The following HYCC2 variants were observed in gnomAD, a reference collection of about 807,000 sequenced individuals.
HYCC2 encodes the protein hyccin PI4KA lipid kinase complex subunit 2.
At chr2:201,068,784 C>A in the HYCC2 span, among the ~76,000 whole-genome samples, 1 of 152,234 alleles carries the variant, frequency 6.6e-6, no homozygotes, top group African/African-American at 2.4e-5. Context: ...ATGTAAGCTA[C>A]TTTCAGAGCT....
the HYCC2 span, among the ~76,000 whole-genome samples, chr2:201,042,698 TG>T: frequency 6.8e-6 from 1 of 147,852 alleles, no homozygotes; most frequent in Non-Finnish European, 1.5e-5. Flanking sequence ...GTCCGGGAGC[TG>T]GGGGGCAGCC....
At chr2:201,052,931 C>G in the HYCC2 span, among the ~76,000 whole-genome samples, 3 of 152,082 alleles carry the variant, frequency 2.0e-5, no homozygotes, top group Admixed American at 2.0e-4. Flanking sequence ...AGGAAACTAC[C>G]AGAAGCCAGG....
the HYCC2 span, among the ~76,000 whole-genome samples, chr2:201,010,115 AAAAAG>A: frequency 7.9e-5 from 12 of 151,874 alleles, no homozygotes; most frequent in East Asian, 2.3e-3. Context: ...AAAAAAAAAA[AAAAAG>A]AAAAGAAGAA....
chr2:201,036,168 A>T, the HYCC2 span, among the ~76,000 whole-genome samples: 1 of 152,218 alleles, frequency 6.6e-6, no homozygotes, highest in African/African-American at 2.4e-5. Context: ...TCCTGGACAC[A>T]TATACCCTCC....
the HYCC2 span, among the ~76,000 whole-genome samples, chr2:201,051,847 C>T: frequency 1.3e-5 from 2 of 151,938 alleles, no homozygotes; most frequent in African/African-American, 2.4e-5. Context: ...AAAAACCAGC[C>T]CAAAACTGAG....
At chr2:200,978,536 T>G in the HYCC2 span, 1 of 145,566 alleles carries the variant, frequency 6.9e-6, no homozygotes, top group Non-Finnish European at 1.5e-5. Flanking sequence ...AGTACAGTAG[T>G]GCATTCTTGG....
chr2:201,066,724 C>T, the HYCC2 span: 1 of 152,386 alleles, frequency 6.6e-6, no homozygotes, highest in Middle Eastern at 3.1e-3. Context: ...AGCTCCTACC[C>T]ATCTTAAAGC....
At chr2:201,037,909 A>G in the HYCC2 span, among the ~76,000 whole-genome samples, 1 of 152,140 alleles carries the variant, frequency 6.6e-6, no homozygotes, top group Non-Finnish European at 1.5e-5. Flanking sequence ...AATTAAACTA[A>G]AGAGCTTCTG....
the HYCC2 span, among the ~76,000 whole-genome samples, chr2:201,004,096 G>A: frequency 2.0e-5 from 3 of 152,248 alleles, no homozygotes; most frequent in East Asian, 1.9e-4. Context: ...GATTACAGGC[G>A]TGAGCCACCA....
At chr2:201,007,750 G>C in the HYCC2 span, among the ~76,000 whole-genome samples, 1 of 152,176 alleles carries the variant, frequency 6.6e-6, no homozygotes, top group South Asian at 2.1e-4. Context: ...TGGTAGCTCT[G>C]GGTCACACTG....
the HYCC2 span, among the ~76,000 whole-genome samples, chr2:201,066,140 C>G: frequency 6.6e-6 from 1 of 151,622 alleles, no homozygotes; most frequent in South Asian, 2.1e-4. Context: ...TGCACACAAT[C>G]TTGGCTCACT....
the HYCC2 span, among the ~76,000 whole-genome samples, chr2:201,051,680 G>A: frequency 2.0e-5 from 3 of 152,192 alleles, no homozygotes; most frequent in Admixed American, 6.5e-5. Context: ...TAAAGATGGT[G>A]TAAATAAAGC....
the HYCC2 span, among the ~76,000 whole-genome samples, chr2:200,982,849 C>T: frequency 6.6e-6 from 1 of 152,178 alleles, no homozygotes; most frequent in Non-Finnish European, 1.5e-5. Context: ...CCTCTGCCTC[C>T]CAGGTTCAAG....
chr2:201,008,930 T>C, the HYCC2 span: 1 of 1,115,528 alleles, frequency 9.0e-7, no homozygotes, highest in Non-Finnish European at 1.4e-6. Context: ...TATTCATGCA[T>C]ACATACATAC....
the HYCC2 span, chr2:200,997,492 T>C: frequency 3.7e-6 from 6 of 1,613,592 alleles, no homozygotes; most frequent in Non-Finnish European, 5.1e-6. Context: ...CAGGCATATA[T>C]ACAATAGCAG....
At chr2:201,037,670 G>T in the HYCC2 span, among the ~76,000 whole-genome samples, 1 of 152,170 alleles carries the variant, frequency 6.6e-6, no homozygotes, top group Non-Finnish European at 1.5e-5. Context: ...AAATGGTGCT[G>T]GGAAAACTGG....
At chr2:200,990,772 C>T in the HYCC2 span, among the ~76,000 whole-genome samples, 1 of 152,120 alleles carries the variant, frequency 6.6e-6, no homozygotes, top group Admixed American at 6.5e-5. Context: ...GGGGTTTCAC[C>T]ATCTTGGACA....
At chr2:201,013,278 T>G in the HYCC2 span, among the ~76,000 whole-genome samples, 29 of 151,898 alleles carry the variant, frequency 1.9e-4, no homozygotes, top group Non-Finnish European at 2.9e-5. Context: ...GAGACTAGCA[T>G]GGCCAACAAA....
At chr2:201,064,681 A>C in the HYCC2 span, among the ~76,000 whole-genome samples, 1 of 152,266 alleles carries the variant, frequency 6.6e-6, no homozygotes, top group South Asian at 2.1e-4. Context: ...TAATGGTACC[A>C]GATAAAATTA....
Sources: allele counts gnomAD v4.1 joint callset (sites outside exome capture counted in the v4.1 genomes callset), GRCh38; gene constraint gnomAD v4.1.1; transcripts MANE v1.5; gene names NCBI Gene and HGNC (gene_info 2026-07-23, HGNC 2026-07-21).